The following FTO variants were observed in gnomAD, a reference collection of about 807,000 sequenced individuals.
FTO encodes the protein alpha-ketoglutarate-dependent dioxygenase FTO.
In FTO, 47 loss-of-function variants were observed where a neutral mutation model predicts 63.9. That is an observed-to-expected ratio of 0.74 (90% confidence interval 0.58 to 0.94). The LOEUF (loss-of-function observed/expected upper bound fraction) is 0.94. Among genes scored for constraint, FTO ranks in the 40% least tolerant of loss-of-function variants. The pLI is 0.00. For synonymous variants in FTO, 207 were observed against 224.4 expected, an observed-to-expected ratio of 0.92 and a Z score of 0.69; for missense variants, 562 against 618.1, an observed-to-expected ratio of 0.91 and a Z score of 0.96.
intron 3 of FTO, among the ~76,000 whole-genome samples, chr16:53,842,894 C>G (rs1385993710): frequency 6.6e-6 from 1 of 152,132 alleles, no homozygotes; most frequent in East Asian, 1.9e-4. Context: ...TGGCTGGCCT[C>G]GAACTTCTGA....
At chr16:54,020,793 G>A (rs986716862) in intron 8 of FTO, among the ~76,000 whole-genome samples, 5 of 152,028 alleles carry the variant, frequency 3.3e-5, no homozygotes, top group South Asian at 2.1e-4. Flanking sequence ...CCAACATGGC[G>A]AAACTTCATC....
intron 4 of FTO, among the ~76,000 whole-genome samples, chr16:53,857,993 A>G (rs1158189212): frequency 7.0e-6 from 1 of 143,286 alleles, no homozygotes; most frequent in Non-Finnish European, 1.5e-5. Flanking sequence ...ATATAAAAGT[A>G]TCAGGGAAAA....
chr16:53,713,096 T>C (rs536182503), intron 1 of FTO, among the ~76,000 whole-genome samples: 1 of 152,172 alleles, frequency 6.6e-6, no homozygotes, highest in Non-Finnish European at 1.5e-5. Flanking sequence ...GACTTTCTAA[T>C]AGTGAGAGAT....
intron 8 of FTO, among the ~76,000 whole-genome samples, chr16:54,077,508 C>T: frequency 6.6e-6 from 1 of 152,134 alleles, no homozygotes; most frequent in Admixed American, 6.5e-5. Context: ...AGTAGTCATC[C>T]TGAAGCCGCC....
In FTO at chr16:53,985,092, T is replaced by C. The variant is rs543200719; in HGVS notation, c.1364+50983T>C. On this transcript the variant is annotated intron_variant, in intron 8 of 8. Coordinates refer to ENST00000471389, the MANE Select transcript of FTO (RefSeq NM_001080432.3). ...GGTTACCTGTTTGTTCCAGTATGTG[T>C]AGGGAGGGGCTGGGGGTTGGGGAGA... is the stretch of plus-strand genomic sequence containing the variant. The C allele has an allele frequency of 3.8e-5, 15 of 398,538 alleles. No individual in the cohort carries two copies. The East Asian group carries it at 8.9e-4, about 24-fold the overall frequency. The allele number at this position is 398,538 out of a possible 1,614,324, so 24.7% of individuals were successfully genotyped here. A position where few individuals can be genotyped will look rare whatever the true frequency, so the allele number is the denominator to read the frequency against.
intron 1 of FTO, among the ~76,000 whole-genome samples, chr16:53,782,623 T>C (rs2077616666): frequency 6.6e-6 from 1 of 152,190 alleles, no homozygotes; most frequent in Non-Finnish European, 1.5e-5. Context: ...TCCTCCAGAT[T>C]GATTAAGTGG....
chr16:53,849,038 A>G (rs967214462), intron 4 of FTO, among the ~76,000 whole-genome samples: 8 of 152,248 alleles, frequency 5.3e-5, no homozygotes, highest in Admixed American at 4.6e-4. Flanking sequence ...CACTGCAAAA[A>G]AAGAAAACTG....
chr16:53,883,200 A>G (rs1011313387), intron 6 of FTO, among the ~76,000 whole-genome samples: 2 of 152,186 alleles, frequency 1.3e-5, no homozygotes, highest in African/African-American at 4.8e-5. Context: ...TTTAACATGC[A>G]TATGGGCTGT....
intron 3 of FTO, among the ~76,000 whole-genome samples, chr16:53,843,261 A>G (rs377363573): frequency 2.0e-5 from 3 of 152,312 alleles, no homozygotes; most frequent in South Asian, 4.1e-4. Context: ...TGTAATTTCT[A>G]TAAGAGTCAA....
intron 8 of FTO, among the ~76,000 whole-genome samples, chr16:54,036,267 A>G (rs1039154162): frequency 6.6e-5 from 10 of 152,184 alleles, no homozygotes; most frequent in Non-Finnish European, 1.3e-4. Flanking sequence ...TGTTTTAAAC[A>G]TTTTGACCAG....
In FTO at chr16:53,826,463, G is replaced by T. The variant is rs538111798; in HGVS notation, c.723G>T (p.Ala241=). Reference sequence around the variant, plus strand: ...ATGAAAATCTGGTGGACAGGTCAGCGGTGGCAGTGTACAGTTATAGCTGTG... The same window carrying T: ...ATGAAAATCTGGTGGACAGGTCAGCTGTGGCAGTGTACAGTTATAGCTGTG... The part of the protein sequence containing the change: ...HHDENLVDRS[A]VAVYSYSCEG... Residue 241 remains alanine (A), a synonymous_variant, in exon 3 of 9, where the codon GCG becomes GCT. Coordinates refer to ENST00000471389, the MANE Select transcript of FTO (RefSeq NM_001080432.3). The T allele has an allele frequency of 3.0e-5, 49 of 1,614,008 alleles. No individual in the cohort carries two copies. The highest frequency in any genetic ancestry group is 3.9e-5 in the Non-Finnish European group (46 of 1,180,004).
intron 8 of FTO, among the ~76,000 whole-genome samples, chr16:53,996,217 G>A (rs1312147900): frequency 6.6e-6 from 1 of 152,176 alleles, no homozygotes; most frequent in East Asian, 1.9e-4. Flanking sequence ...TTCATCTTTT[G>A]ACGGTTGGTT....
intron 1 of FTO, among the ~76,000 whole-genome samples, chr16:53,769,192 G>C (rs1287674495): frequency 6.6e-6 from 1 of 152,112 alleles, no homozygotes; most frequent in Non-Finnish European, 1.5e-5. Context: ...TTGCATATTC[G>C]ATTATGTCCA....
chr16:53,986,934 G>A (rs977800729), intron 8 of FTO, among the ~76,000 whole-genome samples: 1 of 152,086 alleles, frequency 6.6e-6, no homozygotes, highest in Non-Finnish European at 1.5e-5. Flanking sequence ...AGTAACTGTT[G>A]TTTGTATGTT....
chr16:53,776,608 T>G (rs1412854589), intron 1 of FTO, among the ~76,000 whole-genome samples: 11 of 152,184 alleles, frequency 7.2e-5, no homozygotes, highest in African/African-American at 2.2e-4. Context: ...CTTTATTGAT[T>G]TAAAAATAGC....
chr16:53,934,106 C>T lies in FTO; in HGVS notation c.1361C>T (p.Ala454Val). The T allele has an allele frequency of 6.2e-7, 1 of 1,614,112 alleles. No homozygotes were observed. The highest frequency in any genetic ancestry group is 8.5e-7 in the Non-Finnish European group (1 of 1,179,944). ...CAGAACCTGAGGAGAGAATGGCATGCCAGGTTAGTTCTGTTGTGAAATGGG... is the reference window on the plus strand; with the variant it reads ...CAGAACCTGAGGAGAGAATGGCATGTCAGGTTAGTTCTGTTGTGAAATGGG... The part of the protein sequence containing the change: ...ARQNLRREWH[A>V]RCQSRIARTL... Residue 454 changes from alanine (A) to valine (V), a missense_variant, in exon 8 of 9, where the codon GCC (alanine) becomes GTC (valine). By Grantham distance (64) the Ala-to-Val change is moderately conservative (BLOSUM62 0). Coordinates refer to ENST00000471389, the MANE Select transcript of FTO (RefSeq NM_001080432.3).
intron 7 of FTO, among the ~76,000 whole-genome samples, chr16:53,906,959 A>G (rs1301623887): frequency 6.6e-6 from 1 of 152,072 alleles, no homozygotes; most frequent in Non-Finnish European, 1.5e-5. Flanking sequence ...TCTGCTTTTC[A>G]TCTCTCCTGC....
At chr16:53,915,953 C>G (rs1018082422) in intron 7 of FTO, among the ~76,000 whole-genome samples, 1 of 152,150 alleles carries the variant, frequency 6.6e-6, no homozygotes, top group African/African-American at 2.4e-5. Context: ...TCATGCCAAC[C>G]GCAGCAGTAG....
chr16:54,096,510 G>T (rs900525698), intron 8 of FTO, among the ~76,000 whole-genome samples: 1 of 152,212 alleles, frequency 6.6e-6, no homozygotes, highest in African/African-American at 2.4e-5. Context: ...TGAAGCGGCA[G>T]CTTAAAGACT....
Sources: allele counts gnomAD v4.1 joint callset (sites outside exome capture counted in the v4.1 genomes callset), GRCh38; gene constraint gnomAD v4.1.1; transcripts MANE v1.5; gene names NCBI Gene and HGNC (gene_info 2026-07-23, HGNC 2026-07-21).